The following BCL2 variants were observed in gnomAD, a reference collection of about 807,000 sequenced individuals.
The protein encoded by BCL2 is BCL2 apoptosis regulator.
BCL2 carries 1 observed loss-of-function variant against 14.2 expected under a neutral mutation model. That is an observed-to-expected ratio of 0.07 (90% CI 0.02 to 0.33). The LOEUF is 0.33. BCL2 is among the 10% of genes least tolerant of loss of function. BCL2 has a pLI of 0.99. For missense variants in BCL2, 247 were observed against 305.9 expected, an observed-to-expected ratio of 0.81 and a Z score of 1.44; for synonymous variants, 151 against 137.2, an observed-to-expected ratio of 1.10 and a Z score of -0.70.
chr18:63,158,429 G>A (rs1364611656), intron 2 of BCL2, among the ~76,000 whole-genome samples: 1 of 151,860 alleles, frequency 6.6e-6, no homozygotes, highest in Admixed American at 6.6e-5. Flanking sequence ...GCTGTCACAC[G>A]CTCTCCTCCA....
chr18:63,244,684 T>C (rs1330160538), intron 2 of BCL2, among the ~76,000 whole-genome samples: 1 of 152,242 alleles, frequency 6.6e-6, no homozygotes, highest in East Asian at 1.9e-4. Context: ...TCTGGCGTGC[T>C]ACTTCAGCAT....
chr18:63,268,042 T>A (rs562148271), intron 2 of BCL2, among the ~76,000 whole-genome samples: 1 of 152,242 alleles, frequency 6.6e-6, no homozygotes, highest in Non-Finnish European at 1.5e-5. Context: ...CATTCCTGCA[T>A]TCCTTTTGCA....
chr18:63,228,749 G>A (rs6567331), intron 2 of BCL2, among the ~76,000 whole-genome samples: 95,280 of 151,486 alleles, frequency 0.63, 30,909 homozygotes, highest in Middle Eastern at 0.74. Flanking sequence ...TTGTTCTGCC[G>A]CCCAGCTGGA....
At chr18:63,258,319 T>G (rs1029853553) in intron 2 of BCL2, among the ~76,000 whole-genome samples, 7 of 152,176 alleles carry the variant, frequency 4.6e-5, no homozygotes, top group Non-Finnish European at 7.3e-5. Flanking sequence ...CCTAGAAAAC[T>G]AGTACAAATG....
At chr18:63,222,866 T>C (rs185829368) in intron 2 of BCL2, among the ~76,000 whole-genome samples, 72 of 152,300 alleles carry the variant, frequency 4.7e-4, no homozygotes, top group African/African-American at 1.6e-3. Flanking sequence ...TTACAACCAA[T>C]TCCAGGATTG....
At chr18:63,269,650 T>C (rs1229449369) in intron 2 of BCL2, among the ~76,000 whole-genome samples, 2 of 152,226 alleles carry the variant, frequency 1.3e-5, no homozygotes, top group Admixed American at 1.3e-4. Context: ...AAAAGCAACA[T>C]ACATCAGAGT....
intron 2 of BCL2, among the ~76,000 whole-genome samples, chr18:63,227,340 AACTGGGACT>A (rs1910576301): frequency 6.6e-6 from 1 of 152,198 alleles, no homozygotes; most frequent in African/African-American, 2.4e-5. Flanking sequence ...AAGGAATTTG[AACTGGGACT>A]ACAGGTGCAT....
intron 2 of BCL2, among the ~76,000 whole-genome samples, chr18:63,201,955 T>C (rs189475147): frequency 2.6e-4 from 40 of 152,194 alleles, no homozygotes; most frequent in African/African-American, 9.6e-4. Context: ...TCTGCACATG[T>C]ACCCCAGAAA....
At chr18:63,166,111 G>A (rs1337696771) in intron 2 of BCL2, among the ~76,000 whole-genome samples, 6 of 152,204 alleles carry the variant, frequency 3.9e-5, no homozygotes, top group Admixed American at 1.3e-4. Context: ...TGGCTTCCTC[G>A]GAGGGGGACT....
At chr18:63,192,015 T>C (rs770911615) in intron 2 of BCL2, among the ~76,000 whole-genome samples, 1 of 152,232 alleles carries the variant, frequency 6.6e-6, no homozygotes, top group African/African-American at 2.4e-5. Context: ...AACTACTATG[T>C]GCAGGGTGCT....
At chr18:63,293,526 A>G (rs75564337) in intron 2 of BCL2, among the ~76,000 whole-genome samples, 15 of 152,336 alleles carry the variant, frequency 9.8e-5, no homozygotes, top group Non-Finnish European at 1.8e-4. Context: ...GTGTTGTGGT[A>G]GTGTGAGTGT....
chr18:63,243,533 A>G (rs1231093625), intron 2 of BCL2, among the ~76,000 whole-genome samples: 2 of 152,234 alleles, frequency 1.3e-5, no homozygotes, highest in East Asian at 3.8e-4. Context: ...AAATTTAAAA[A>G]TAAAAATTAA....
At chr18:63,194,657 CA>C (rs1386442939) in intron 2 of BCL2, among the ~76,000 whole-genome samples, 10 of 152,010 alleles carry the variant, frequency 6.6e-5, no homozygotes, top group African/African-American at 2.4e-4. Flanking sequence ...TTATGAACTA[CA>C]AAAAAATCAG....
chr18:63,190,444 G>T (rs1449630691), intron 2 of BCL2, among the ~76,000 whole-genome samples: 1 of 152,194 alleles, frequency 6.6e-6, no homozygotes, highest in African/African-American at 2.4e-5. Context: ...AATAAGGTTA[G>T]ATCCCAAGTA....
intron 2 of BCL2, among the ~76,000 whole-genome samples, chr18:63,174,336 A>G (rs1432894904): frequency 6.6e-6 from 1 of 152,114 alleles, no homozygotes; most frequent in African/African-American, 2.4e-5. Context: ...TCTAGTACGC[A>G]TGGACGGGTG....
At position 63,136,866 on chromosome 18, in the gene BCL2, T is replaced by C. The variant is rs796322913; in HGVS notation, c.586-8107A>G. ...ATAGATACAGATGCCACATCTCTTATAGCTGGAGGTGAAGTTAGTGAGCAC... is the reference window on the plus strand; with the variant it reads ...ATAGATACAGATGCCACATCTCTTACAGCTGGAGGTGAAGTTAGTGAGCAC... On this transcript the variant is annotated intron_variant, in intron 2 of 2. Transcript: ENST00000333681. 5.9e-5 allele frequency among the ~76,000 whole-genome samples: 9 copies of C among 152,348 alleles called. 2 individuals carry two copies. The highest frequency in any genetic ancestry group is 2.2e-4 in the African/African-American group (9 of 41,584).
intron 2 of BCL2, among the ~76,000 whole-genome samples, chr18:63,199,940 ACACACACACG>A (rs1207769834): frequency 1.3e-5 from 2 of 152,140 alleles, no homozygotes; most frequent in African/African-American, 2.4e-5. Flanking sequence ...ACACATGCAC[ACACACACACG>A]CACACACACA....
At chr18:63,187,756 T>C (rs1483314671) in intron 2 of BCL2, among the ~76,000 whole-genome samples, 1 of 152,244 alleles carries the variant, frequency 6.6e-6, no homozygotes, top group Non-Finnish European at 1.5e-5. Context: ...CGTGGAGCTG[T>C]GGAAATCTCT....
At chr18:63,264,428 C>T (rs999448385) in intron 2 of BCL2, among the ~76,000 whole-genome samples, 4 of 152,066 alleles carry the variant, frequency 2.6e-5, no homozygotes. Context: ...AGATGACCTA[C>T]CTCAATGCTC....
Sources: allele counts gnomAD v4.1 joint callset (sites outside exome capture counted in the v4.1 genomes callset), GRCh38; gene constraint gnomAD v4.1.1; transcripts MANE v1.5; gene names NCBI Gene and HGNC (gene_info 2026-07-23, HGNC 2026-07-21).